Variants in MAPK10 observed in about 807,000 individuals in gnomAD.
MAPK10 encodes the protein mitogen-activated protein kinase 10.
MAPK10 carries 25 observed loss-of-function variants against 59.3 expected under a neutral mutation model. The ratio of observed to expected loss-of-function variants is 0.42; its 90% CI spans 0.31 to 0.59. The LOEUF is 0.59. Ranked by LOEUF, MAPK10 falls within the 20% of genes least tolerant of loss-of-function variation. The pLI, the probability that MAPK10 is intolerant of heterozygous loss-of-function variation, is 0.15. For synonymous variants in MAPK10, 190 were observed against 200.5 expected (o/e 0.95, Z 0.44); for missense variants, 351 against 568.9 (o/e 0.62, Z 3.90).
At chr4:86,332,012 C>A (rs2096167051) in intron 2 of MAPK10, among the ~76,000 whole-genome samples, 1 of 152,082 alleles carries the variant, frequency 6.6e-6, no homozygotes, top group Admixed American at 6.6e-5. Flanking sequence ...TTTTTAATGA[C>A]TAAATGGGAT....
At chr4:86,047,466 G>T (rs572442505) in intron 11 of MAPK10, among the ~76,000 whole-genome samples, 3 of 152,146 alleles carry the variant, frequency 2.0e-5, no homozygotes, top group African/African-American at 7.2e-5. Flanking sequence ...GAAAAGGGAA[G>T]CCTAAAGGTG....
rs139522135 is a variant in MAPK10, at chr4:86,320,494, A to G, written c.-7+34036T>C. Among the ~76,000 whole-genome samples the G allele has an allele frequency of 4.7e-4, 71 of 152,342 alleles. 1 individual carries two copies. The highest frequency in any genetic ancestry group is 1.5e-3 in the African/African-American group (61 of 41,586). On this transcript the variant is annotated intron_variant, in intron 2 of 13. Transcript: ENST00000641462. Reference sequence around the variant, plus strand: ...TCAGAAAGAATGGTATCAATGACTTAGAACTTTGGATAATAAAGAATCTTG... The same window carrying G: ...TCAGAAAGAATGGTATCAATGACTTGGAACTTTGGATAATAAAGAATCTTG...
intron 1 of MAPK10, among the ~76,000 whole-genome samples, chr4:86,489,985 C>G (rs1754336767): frequency 6.6e-6 from 1 of 152,158 alleles, no homozygotes; most frequent in African/African-American, 2.4e-5. Context: ...AAATAACAAG[C>G]CAAGTATGGT....
At chr4:86,241,576 T>C (rs1249690229) in intron 2 of MAPK10, among the ~76,000 whole-genome samples, 2 of 152,170 alleles carry the variant, frequency 1.3e-5, no homozygotes, top group East Asian at 3.9e-4. Context: ...TTCAGTAAGG[T>C]GGTCCTCAAA....
In MAPK10 at chr4:86,372,564, G is replaced by GGAAAAGA. The variant is rs1554253763; in HGVS notation, c.-121-17921_-121-17920insTCTTTTC. ...AGAAAGAAAGAAAGAAAGAAAGAAA[G>GGAAAAGA]AAAGAAAAGAAAAGAAAAGAAAAGA... On this transcript the variant is annotated intron_variant, in intron 1 of 13. Transcript: ENST00000361569. 5.4e-3 allele frequency among the ~76,000 whole-genome samples: 425 copies of GGAAAAGA among 78,718 alleles called. 11 individuals are homozygous for GGAAAAGA. The highest frequency in any genetic ancestry group is 0.016 in the African/African-American group (356 of 22,590). The allele number at this position is 78,718 out of a possible 152,430, so 51.6% of individuals were successfully genotyped here. A position where few individuals can be genotyped will look rare whatever the true frequency, so the allele number is the denominator to read the frequency against.
chr4:86,311,336 T>C (rs528072227), intron 2 of MAPK10, among the ~76,000 whole-genome samples: 7 of 152,228 alleles, frequency 4.6e-5, no homozygotes, highest in South Asian at 2.1e-4. Flanking sequence ...ACCTCTTTTA[T>C]GATTCTCAGT....
intron 3 of MAPK10, chr4:86,192,583 T>A (rs1431019812): frequency 6.6e-6 from 1 of 152,052 alleles, no homozygotes; most frequent in Admixed American, 6.6e-5. Flanking sequence ...TACTTGTGTA[T>A]GCTTCACGAA....
At chr4:86,541,148 G>C (rs1758661961) in intron 1 of MAPK10, among the ~76,000 whole-genome samples, 1 of 152,158 alleles carries the variant, frequency 6.6e-6, no homozygotes, top group Non-Finnish European at 1.5e-5. Flanking sequence ...AAAGGGGCAT[G>C]GGAGAGATCT....
intron 2 of MAPK10, among the ~76,000 whole-genome samples, chr4:86,280,613 T>C (rs1347781633): frequency 6.6e-6 from 1 of 151,856 alleles, no homozygotes; most frequent in Non-Finnish European, 1.5e-5. Context: ...CAGTGGAAAA[T>C]AAATCGTTCT....
chr4:86,301,875 C>A (rs2095478592), intron 2 of MAPK10, among the ~76,000 whole-genome samples: 1 of 152,186 alleles, frequency 6.6e-6, no homozygotes, highest in Admixed American at 6.5e-5. Context: ...TCACAGTACT[C>A]CTCTTTTTTA....
Position 86,276,855 on chromosome 4 carries a change from A to G in MAPK10, c.-7+77675T>C, listed in dbSNP as rs572265858. ...AAAGGCTAATAAACAGCCCTGCATC[A>G]CAATGCTAGTTAAGTTGCAGCACCA... On this transcript the variant is annotated intron_variant, in intron 2 of 13. Coordinates refer to ENST00000641462, the MANE Select transcript of MAPK10 (RefSeq NM_138982.4). Among the ~76,000 whole-genome samples, 10 of 152,288 alleles carry G rather than the reference A, an allele frequency of 6.6e-5. No homozygotes were observed. In the South Asian group the frequency reaches 1.7e-3, roughly 25 times the overall value.
intron 11 of MAPK10, among the ~76,000 whole-genome samples, chr4:86,047,040 TTC>T (rs1195227953): frequency 6.6e-6 from 1 of 152,104 alleles, no homozygotes; most frequent in Non-Finnish European, 1.5e-5. Context: ...TTTAGTTTTT[TTC>T]TTTTTGTTTT....
rs2048450079 is a variant in MAPK10, at chr4:86,073,307, G to A, written c.803-5352C>T. Among the ~76,000 whole-genome samples the A allele has an allele frequency of 4.0e-5, 6 of 151,088 alleles. No individual in the cohort carries two copies. The South Asian group carries it at 1.3e-3, about 32-fold the overall frequency. On this transcript the variant is annotated intron_variant, in intron 9 of 13. Coordinates refer to ENST00000641462, the MANE Select transcript of MAPK10 (RefSeq NM_138982.4). ...CTTTTTTTCTTTATTAGTCTTGCTA[G>A]CGGTCTATCAATTTTGTTGATCCTT...
At chr4:86,122,496 T>C (rs2059427076) in intron 4 of MAPK10, among the ~76,000 whole-genome samples, 1 of 152,154 alleles carries the variant, frequency 6.6e-6, no homozygotes. Flanking sequence ...TCATCTCCTG[T>C]TACAATTCTT....
chr4:86,125,342 A>G (rs1224164160), intron 4 of MAPK10: 2 of 151,712 alleles, frequency 1.3e-5, no homozygotes, highest in Non-Finnish European at 2.9e-5. Flanking sequence ...TCTTCTCATT[A>G]AAAAAAATTA....
In MAPK10 at chr4:86,023,850, T is replaced by TATAA. The variant is rs1241006302; in HGVS notation, c.1252+5346_1252+5347insTTAT. 3 of 112,762 alleles carry TATAA rather than the reference T, an allele frequency of 2.7e-5. No individual in the cohort carries two copies. The East Asian group carries it at 9.8e-4, about 37-fold the overall frequency. The allele number at this position is 112,762 out of a possible 1,614,324, so 7.0% of individuals were successfully genotyped here. A position where few individuals can be genotyped will look rare whatever the true frequency, so the allele number is the denominator to read the frequency against. On this transcript the variant is annotated intron_variant, in intron 13 of 13. Transcript: ENST00000641462. ...ATATATATATATATATATATATATATAAAATGAATGTTGTAATTAACTAGA... is the reference window on the plus strand; with the variant it reads ...ATATATATATATATATATATATATATATAAAAAATGAATGTTGTAATTAACTAGA...
chr4:86,131,443 C>T (rs184715721), intron 4 of MAPK10, among the ~76,000 whole-genome samples: 111 of 152,218 alleles, frequency 7.3e-4, no homozygotes, highest in African/African-American at 2.4e-3. Flanking sequence ...TTCTGAAAAG[C>T]ACAGTTAGGA....
At chr4:86,569,547 AACCT>A (rs922130792) in intron 1 of MAPK10, among the ~76,000 whole-genome samples, 7 of 152,280 alleles carry the variant, frequency 4.6e-5, no homozygotes, top group African/African-American at 1.4e-4. Flanking sequence ...TCATGGAATC[AACCT>A]ACCTACCTAC....
intron 1 of MAPK10, among the ~76,000 whole-genome samples, chr4:86,382,036 GA>G (rs1740795283): frequency 6.6e-6 from 1 of 152,060 alleles, no homozygotes; most frequent in Non-Finnish European, 1.5e-5. Flanking sequence ...CTTGTATTGG[GA>G]CAGGGCTATC....
Sources: allele counts gnomAD v4.1 joint callset (sites outside exome capture counted in the v4.1 genomes callset), GRCh38; gene constraint gnomAD v4.1.1; transcripts MANE v1.5; gene names NCBI Gene and HGNC (gene_info 2026-07-23, HGNC 2026-07-21).